FGF12: variants seen among roughly 807,000 people sequenced by gnomAD.
FGF12 encodes fibroblast growth factor 12B.
FGF12 carries 14 observed loss-of-function variants against 23.6 expected under a neutral mutation model. The observed-to-expected ratio is 0.59, with a 90% CI of 0.39 to 0.93. The LOEUF is 0.93. Ranked by LOEUF, FGF12 falls within the 40% of genes least tolerant of loss-of-function variation. The pLI, the probability that FGF12 is intolerant of heterozygous loss-of-function variation, is 0.00. For synonymous variants in FGF12, 62 were observed against 77.3 expected (o/e 0.80, Z 1.04); for missense variants, 175 against 217.8 (o/e 0.80, Z 1.24).
At chr3:192,532,690 A>G (rs1435175639) in intron 2 of FGF12, among the ~76,000 whole-genome samples, 1 of 152,182 alleles carries the variant, frequency 6.6e-6, no homozygotes, top group East Asian at 1.9e-4. Context: ...AATGACAATA[A>G]CATTTTTAAT....
chr3:192,144,215 T>A, intron 5 of FGF12, 88 bp from the exon 6 acceptor site: 1 of 717,136 alleles, frequency 1.4e-6, no homozygotes, highest in African/African-American at 1.8e-5. Context: ...ACAATATTCT[T>A]CACTCTCATC....
At chr3:192,670,268 T>TA (rs1406559788) in intron 2 of FGF12, among the ~76,000 whole-genome samples, 3 of 152,136 alleles carry the variant, frequency 2.0e-5, no homozygotes, top group Non-Finnish European at 4.4e-5. Flanking sequence ...ATAGTTATTT[T>TA]AATAAAAATA....
chr3:192,190,468 C>CTTTTTTTTTTTTT (rs34108891), intron 4 of FGF12, among the ~76,000 whole-genome samples: 8 of 89,134 alleles, frequency 9.0e-5, no homozygotes, highest in African/African-American at 1.7e-4. Context: ...GCCCAATACT[C>CTTTTTTTTTTTTT]TTTTTTTTTT....
chr3:192,287,986 G>C (rs976274983), intron 4 of FGF12, among the ~76,000 whole-genome samples: 1 of 152,058 alleles, frequency 6.6e-6, no homozygotes, highest in African/African-American at 2.4e-5. Context: ...CCAAGAAAAT[G>C]TAGTTATTGT....
At chr3:192,193,025 A>G (rs1388106417) in intron 4 of FGF12, among the ~76,000 whole-genome samples, 9 of 152,222 alleles carry the variant, frequency 5.9e-5, no homozygotes, top group Non-Finnish European at 1.2e-4. Context: ...GGAGGTAGGA[A>G]GAACATAGAG....
intron 4 of FGF12, among the ~76,000 whole-genome samples, chr3:192,258,605 T>C (rs1577290670): frequency 6.6e-6 from 1 of 152,204 alleles, no homozygotes; most frequent in Non-Finnish European, 1.5e-5. Flanking sequence ...GATACCTTAA[T>C]CTTTTGCTCT....
intron 4 of FGF12, among the ~76,000 whole-genome samples, chr3:192,265,991 C>A (rs1006968276): frequency 5.9e-5 from 9 of 152,124 alleles, no homozygotes; most frequent in South Asian, 2.1e-4. Context: ...GGAAAGAATT[C>A]ATTTAGCAGA....
intron 2 of FGF12, among the ~76,000 whole-genome samples, chr3:192,562,095 CACA>C (rs1712067356): frequency 6.6e-6 from 1 of 152,134 alleles, no homozygotes; most frequent in Non-Finnish European, 1.5e-5. Flanking sequence ...ACTAGTGATA[CACA>C]ACAACATGAT....
chr3:192,576,518 T>C (rs1712893905), intron 2 of FGF12, among the ~76,000 whole-genome samples: 1 of 152,152 alleles, frequency 6.6e-6, no homozygotes, highest in Non-Finnish European at 1.5e-5. Context: ...GAGTAATGTC[T>C]TAGAAAGGTA....
chr3:192,379,649 A>G (rs965079316), intron 2 of FGF12, among the ~76,000 whole-genome samples: 2 of 152,230 alleles, frequency 1.3e-5, no homozygotes, highest in African/African-American at 4.8e-5. Flanking sequence ...TTCGCACACA[A>G]ATAGATAATT....
intron 2 of FGF12, among the ~76,000 whole-genome samples, chr3:192,714,513 A>ATTTTAT (rs1718796571): frequency 1.0e-5 from 1 of 99,738 alleles, no homozygotes; most frequent in Admixed American, 1.2e-4. Context: ...TAAGGAAATA[A>ATTTTAT]TTTTTTTTTT....
At chr3:192,150,785 A>G (rs1714007941) in intron 5 of FGF12, among the ~76,000 whole-genome samples, 1 of 144,458 alleles carries the variant, frequency 6.9e-6, no homozygotes, top group African/African-American at 2.6e-5. Context: ...CTTAGGATTG[A>G]CTTGGCAATG....
At chr3:192,232,146 T>TG (rs1719055242) in intron 4 of FGF12, among the ~76,000 whole-genome samples, 1 of 152,120 alleles carries the variant, frequency 6.6e-6, no homozygotes, top group Admixed American at 6.6e-5. Context: ...ACCCAGGCTA[T>TG]ATGTGGTAGC....
chr3:192,218,104 A>T (rs747908688), intron 4 of FGF12, among the ~76,000 whole-genome samples: 2 of 152,160 alleles, frequency 1.3e-5, no homozygotes, highest in Non-Finnish European at 2.9e-5. Flanking sequence ...AAATGCTGGG[A>T]TTACAAGCGT....
intron 2 of FGF12, among the ~76,000 whole-genome samples, chr3:192,492,232 A>G (rs1723821952): frequency 6.6e-6 from 1 of 152,210 alleles, no homozygotes; most frequent in African/African-American, 2.4e-5. Context: ...CATTTTCTTA[A>G]TCACTTTTTC....
intron 5 of FGF12, among the ~76,000 whole-genome samples, chr3:192,147,947 T>C (rs1048212803): frequency 6.6e-6 from 1 of 151,974 alleles, no homozygotes; most frequent in African/African-American, 2.4e-5. Flanking sequence ...ATAAACAAAA[T>C]CAAAAAAGAA....
chr3:192,646,298 C>T (rs1716003967), intron 2 of FGF12, among the ~76,000 whole-genome samples: 1 of 152,074 alleles, frequency 6.6e-6, no homozygotes, highest in South Asian at 2.1e-4. Flanking sequence ...GTAAAGCCTA[C>T]AAAAGAAACC....
rs59504943 is a variant in FGF12 at position 192,279,230 on chromosome 3, G to GTATATATATATATATATA, written c.228+56113_228+56130dup. Among the ~76,000 whole-genome samples the GTATATATATATATATATA allele has an allele frequency of 3.7e-3, 494 of 131,840 alleles. 6 individuals are homozygous for GTATATATATATATATATA. Among genetic ancestry groups the GTATATATATATATATATA allele is most frequent in the African/African-American group, 7.2e-3 (233 of 32,432 alleles). 86.5% of individuals were successfully genotyped at this position (131,840 alleles called of 152,430 possible). ...TAAGTCATGCTTGGTTAATGTATGA[G>GTATATATATATATATATA]TATATATATATATATATATATATAA... On this transcript the variant is annotated intron_variant, in intron 4 of 5. Transcript: ENST00000445105.
rs529528914 is a variant in FGF12 at position 192,202,311 on chromosome 3, A to G, written c.229-31655T>C. On this transcript the variant is annotated intron_variant, in intron 4 of 5. Transcript: ENST00000445105. ...TGAAAGCATTAGAGGAAAGATCTAA[A>G]CAGAGTTTTGATGTCAGGCTTTGGA... Among the ~76,000 whole-genome samples the G allele has an allele frequency of 3.9e-5, 6 of 152,316 alleles. No homozygotes were observed. In the South Asian group the frequency reaches 1.2e-3, roughly 32 times the overall value.
Sources: allele counts gnomAD v4.1 joint callset (sites outside exome capture counted in the v4.1 genomes callset), GRCh38; gene constraint gnomAD v4.1.1; transcripts MANE v1.5; gene names NCBI Gene and HGNC (gene_info 2026-07-23, HGNC 2026-07-21).